Variants in PCDHA12 observed in about 807,000 individuals in gnomAD.
The protein encoded by PCDHA12 is protocadherin alpha-12.
PCDHA12 carries 44 observed loss-of-function variants against 60.0 expected under a neutral mutation model. The ratio of observed to expected loss-of-function variants is 0.73; its 90% confidence interval spans 0.58 to 0.94. The LOEUF is 0.94. Among genes scored for constraint, PCDHA12 ranks in the 40% least tolerant of loss-of-function variants. The probability of loss-of-function intolerance (pLI) is 0.00; values close to 1 mark genes in which losing one functional copy is unlikely to be tolerated. For synonymous variants in PCDHA12, 569 were observed against 553.0 expected (o/e 1.03, Z -0.40); for missense variants, 1,276 against 1,239.7 (o/e 1.03, Z -0.44).
At position 140,875,308 on chromosome 5, in the gene PCDHA12, A is replaced by G. The variant is rs757619394; in HGVS notation, c.-165A>G. On this transcript the variant is annotated 5_prime_UTR_variant, in exon 1 of 4. Transcript: ENST00000398631. ...CAGGAAAATTTTTTTCTCCGCACCC[A>G]CATTCCAATCATTCACGGAATAGGA... 2.7e-5 allele frequency: 39 copies of G among 1,423,476 alleles called. No homozygotes were observed. The highest frequency in any genetic ancestry group is 3.4e-5 in the Non-Finnish European group (37 of 1,091,814). 88.2% of individuals were successfully genotyped at this position (1,423,476 alleles called of 1,614,324 possible). A position where few individuals can be genotyped will look rare whatever the true frequency, so the allele number is the denominator to read the frequency against.
chr5:140,923,814 A>G (rs1554201602), intron 1 of PCDHA12, among the ~76,000 whole-genome samples: 1 of 152,250 alleles, frequency 6.6e-6, no homozygotes, highest in Non-Finnish European at 1.5e-5. Flanking sequence ...ATCTTCTGAA[A>G]ATAGACGTCA....
At chr5:140,925,989 G>A (rs2082853255) in intron 1 of PCDHA12, among the ~76,000 whole-genome samples, 1 of 152,212 alleles carries the variant, frequency 6.6e-6, no homozygotes, top group East Asian at 1.9e-4. Context: ...GAGCTCGCTG[G>A]CTCCGCTGCC....
intron 1 of PCDHA12, among the ~76,000 whole-genome samples, chr5:140,962,596 T>C (rs2095694957): frequency 6.6e-6 from 1 of 152,218 alleles, no homozygotes; most frequent in South Asian, 2.1e-4. Flanking sequence ...TTGACTGATA[T>C]ATTTCTTCTG....
At chr5:140,958,139 A>T (rs1196467618) in intron 1 of PCDHA12, among the ~76,000 whole-genome samples, 2 of 152,112 alleles carry the variant, frequency 1.3e-5, no homozygotes, top group African/African-American at 2.4e-5. Context: ...CAGTGTGTAT[A>T]TTTATATAGC....
In PCDHA12 at chr5:140,875,915, T is replaced by G. The variant is rs782225928; in HGVS notation, c.443T>G (p.Leu148Arg). Residue 148 changes from leucine to arginine, a missense_variant, in exon 1 of 4, where the codon CTG becomes CGG. Physicochemically the swap from Leu to Arg is moderately radical, Grantham distance 102. Transcript: ENST00000398631. ...QKVPVSESAP[L>R]DSHFPLEGAS... is the part of the protein sequence containing the mutation. Reference sequence around the variant, plus strand: ...GTACCTGTTTCTGAATCTGCGCCTCTGGACTCTCATTTTCCTCTAGAGGGC... The same window carrying G: ...GTACCTGTTTCTGAATCTGCGCCTCGGGACTCTCATTTTCCTCTAGAGGGC... 3.7e-6 allele frequency: 6 copies of G among 1,614,096 alleles called. No homozygotes were observed. In the African/African-American group the frequency reaches 6.7e-5, roughly 18 times the overall value.
chr5:140,929,024 C>T, intron 1 of PCDHA12: 1 of 1,614,172 alleles, frequency 6.2e-7, no homozygotes, highest in Non-Finnish European at 8.5e-7. Context: ...CACCAGAGCC[C>T]AGGCTGTTGC....
At chr5:140,938,727 G>GA (rs2092176789) in intron 1 of PCDHA12, among the ~76,000 whole-genome samples, 1 of 151,904 alleles carries the variant, frequency 6.6e-6, no homozygotes, top group South Asian at 2.1e-4. Flanking sequence ...CGTTTCTACA[G>GA]AAAAAAATAA....
intron 1 of PCDHA12, among the ~76,000 whole-genome samples, chr5:140,914,884 CCTG>C (rs2153531970): frequency 6.6e-6 from 1 of 151,782 alleles, no homozygotes; most frequent in East Asian, 1.9e-4. Flanking sequence ...ACTGTATCCT[CCTG>C]CTTTTAACTT....
intron 3 of PCDHA12, among the ~76,000 whole-genome samples, chr5:140,989,700 C>T (rs1367211310): frequency 6.6e-6 from 1 of 152,178 alleles, no homozygotes; most frequent in East Asian, 1.9e-4. Flanking sequence ...AAAATTTTAT[C>T]TTCAGAGGCA....
intron 1 of PCDHA12, chr5:140,966,547 G>A (rs2096020137): frequency 2.1e-6 from 1 of 467,502 alleles, no homozygotes; most frequent in Non-Finnish European, 3.6e-6. Context: ...ACTCGGAGGC[G>A]AGCGGAGGAG....
chr5:140,984,042 T>C (rs2097082521), intron 3 of PCDHA12, among the ~76,000 whole-genome samples: 1 of 152,148 alleles, frequency 6.6e-6, no homozygotes, highest in Non-Finnish European at 1.5e-5. Flanking sequence ...ATAAAATAGT[T>C]CATTGACAAA....
At chr5:140,949,816 A>G (rs1223140568) in intron 1 of PCDHA12, among the ~76,000 whole-genome samples, 2 of 151,532 alleles carry the variant, frequency 1.3e-5, no homozygotes, top group African/African-American at 4.8e-5. Context: ...TTTGCTTTCT[A>G]TTTGTCCCCT....
At chr5:140,984,157 C>G (rs1187103463) in intron 3 of PCDHA12, among the ~76,000 whole-genome samples, 1 of 152,228 alleles carries the variant, frequency 6.6e-6, no homozygotes, top group Non-Finnish European at 1.5e-5. Flanking sequence ...AAGGTGAGAA[C>G]TTCCCAAAGA....
At chr5:140,920,239 A>G (rs1584173491) in intron 1 of PCDHA12, among the ~76,000 whole-genome samples, 1 of 152,356 alleles carries the variant, frequency 6.6e-6, no homozygotes, top group Middle Eastern at 3.4e-3. Context: ...TATATACCCA[A>G]CAATACATCG....
chr5:140,876,079 G>C lies in PCDHA12; in HGVS notation c.607G>C (p.Glu203Gln). ...AGTTCTTCGGAAGTTATTGGACAGA[G>C]AGCAAACGCCAAAACTCAATTTATT... ...ELVLRKLLDR[E>Q]QTPKLNLLLM... Residue 203 changes from glutamate to glutamine, a missense_variant, in exon 1 of 4, where the codon GAG becomes CAG. By Grantham distance (29) the Glu-to-Gln change is conservative. Transcript: ENST00000398631. The C allele has an allele frequency of 6.2e-7, 1 of 1,613,940 alleles. No individual in the cohort carries two copies. Among genetic ancestry groups the C allele is most frequent in the Non-Finnish European group, 8.5e-7 (1 of 1,179,904 alleles).
At chr5:140,929,294 G>A in intron 1 of PCDHA12, 1 of 1,594,058 alleles carries the variant, frequency 6.3e-7, no homozygotes, top group Non-Finnish European at 8.6e-7. Flanking sequence ...ATTCGGAATA[G>A]GAAAGGGGAT....
At chr5:141,000,589 A>G (rs1234300694) in intron 3 of PCDHA12, among the ~76,000 whole-genome samples, 3 of 150,422 alleles carry the variant, frequency 2.0e-5, no homozygotes, top group Admixed American at 2.0e-4. Context: ...CACCATGCCC[A>G]GCTAATTTTT....
chr5:140,875,637 G>T lies in PCDHA12; in HGVS notation c.165G>T (p.Glu55Asp). The change falls in exon 1 of 4, where the codon GAG becomes GAT. Residue 55 changes from glutamate (E) to aspartate (D), a missense_variant. Physicochemically the swap from Glu to Asp is conservative, Grantham distance 45 (BLOSUM62 2). Transcript: ENST00000398631. ...VGRIAQDLGL[E>D]LAELVPRLFR... ...GCATCGCTCAGGACCTGGGGCTGGA[G>T]CTGGCGGAGCTGGTGCCGCGCCTGT... The T allele has an allele frequency of 6.2e-7, 1 of 1,613,638 alleles. No homozygotes were observed. Among genetic ancestry groups the T allele is most frequent in the Non-Finnish European group, 8.5e-7 (1 of 1,180,000 alleles).
chr5:140,966,986 C>G (rs1364396774), intron 1 of PCDHA12: 1 of 1,603,766 alleles, frequency 6.2e-7, no homozygotes, highest in African/African-American at 1.3e-5. Flanking sequence ...GCGCTTGGGG[C>G]CGGGTTGCTT....
Sources: allele counts gnomAD v4.1 joint callset (sites outside exome capture counted in the v4.1 genomes callset), GRCh38; gene constraint gnomAD v4.1.1; transcripts MANE v1.5; gene names NCBI Gene and HGNC (gene_info 2026-07-23, HGNC 2026-07-21).